Variants in ZBTB20 observed in about 807,000 individuals in gnomAD.
ZBTB20 encodes zinc finger and BTB domain-containing protein 20.
ZBTB20 carries 9 observed loss-of-function variants against 56.9 expected under a neutral mutation model. That is an observed-to-expected ratio of 0.16 (90% CI 0.10 to 0.28). The LOEUF is 0.28. Among genes scored for constraint, ZBTB20 ranks in the 10% least tolerant of loss-of-function variants. The pLI is 1.00. For synonymous variants in ZBTB20, 417 were observed against 420.7 expected (o/e 0.99, Z 0.11); for missense variants, 655 against 1,003.0 (o/e 0.65, Z 4.69).
At chr3:114,521,090 C>T (rs1321724327) in intron 6 of ZBTB20, among the ~76,000 whole-genome samples, 2 of 152,142 alleles carry the variant, frequency 1.3e-5, no homozygotes, top group Admixed American at 6.6e-5. Flanking sequence ...GTTTTCTTTA[C>T]ACCTTTACCT....
chr3:114,695,624 T>C (rs182482800), intron 5 of ZBTB20, among the ~76,000 whole-genome samples: 1,547 of 152,178 alleles, frequency 0.01, 19 homozygotes, highest in South Asian at 0.025. Context: ...AAGTTTTTTT[T>C]TTTTAAATTT....
chr3:115,075,614 T>C (rs2082566893), intron 1 of ZBTB20, among the ~76,000 whole-genome samples: 1 of 152,162 alleles, frequency 6.6e-6, no homozygotes, highest in Non-Finnish European at 1.5e-5. Context: ...AACAACAAAG[T>C]ACCAACAGAA....
intron 6 of ZBTB20, among the ~76,000 whole-genome samples, chr3:114,650,166 CT>C (rs2060054264): frequency 1.3e-5 from 2 of 151,826 alleles, no homozygotes; most frequent in African/African-American, 4.8e-5. Flanking sequence ...AGAAAAAACA[CT>C]GTAAAAATTC....
chr3:114,391,464 A>G (rs985477658), intron 7 of ZBTB20, among the ~76,000 whole-genome samples: 3 of 152,194 alleles, frequency 2.0e-5, no homozygotes, highest in Non-Finnish European at 4.4e-5. Context: ...TCATTTATGA[A>G]GCATTTCACA....
intron 4 of ZBTB20, among the ~76,000 whole-genome samples, chr3:114,862,343 T>C (rs1490069491): frequency 2.0e-5 from 3 of 152,108 alleles, no homozygotes; most frequent in Non-Finnish European, 4.4e-5. Flanking sequence ...GCCTCTGTTT[T>C]GAAAGTGGAT....
At position 114,350,647 on chromosome 3, in the gene ZBTB20, T is replaced by C; in HGVS notation, c.1431A>G (p.Leu477=). The C allele has an allele frequency of 6.2e-7, 1 of 1,614,212 alleles. No individual in the cohort carries two copies. Among genetic ancestry groups the C allele is most frequent in the Non-Finnish European group, 8.5e-7 (1 of 1,180,040 alleles). Residue 477 remains leucine, a synonymous_variant, in exon 11 of 12, where the codon TTA becomes TTG. Transcript: ENST00000675478. ...GQPLPSTQLY[L]RQTETLTSNL... ...TGCTGGTGAGGGTTTCTGTCTGGCG[T>C]AAGTAGAGCTGGGTACTTGGCAATG...
chr3:114,683,149 C>A (rs975041216), intron 6 of ZBTB20, among the ~76,000 whole-genome samples: 3 of 152,084 alleles, frequency 2.0e-5, no homozygotes, highest in Non-Finnish European at 4.4e-5. Context: ...TGGACTATTC[C>A]TCATCCTTTA....
At chr3:114,746,909 C>T (rs553534045) in intron 5 of ZBTB20, among the ~76,000 whole-genome samples, 4 of 152,194 alleles carry the variant, frequency 2.6e-5, no homozygotes, top group East Asian at 1.9e-4. Context: ...CTCATGCAAA[C>T]GTTAAAATTC....
intron 6 of ZBTB20, chr3:114,519,159 GCCTTTTGT>G (rs2046362734): frequency 6.6e-6 from 1 of 152,142 alleles, no homozygotes; most frequent in South Asian, 2.1e-4. Context: ...AGCCAATTTT[GCCTTTTGT>G]CCTCCCTGGG....
intron 7 of ZBTB20, among the ~76,000 whole-genome samples, chr3:114,398,337 A>G (rs1281763703): frequency 6.6e-6 from 1 of 152,150 alleles, no homozygotes; most frequent in Non-Finnish European, 1.5e-5. Context: ...TGTTATAACC[A>G]TGTCATCGGT....
chr3:114,621,264 A>G (rs2058300414), intron 6 of ZBTB20, among the ~76,000 whole-genome samples: 1 of 152,176 alleles, frequency 6.6e-6, no homozygotes, highest in South Asian at 2.1e-4. Context: ...ACTGTTCATA[A>G]ATATTTGTGT....
rs1244654885 is a variant in ZBTB20 at position 114,331,915 on chromosome 3, T to C, written c.*7090A>G. On this transcript the variant is annotated 3_prime_UTR_variant, in exon 12 of 12. Coordinates refer to ENST00000675478, the MANE Select transcript of ZBTB20 (RefSeq NM_001348800.3). ...GTGCACATGTATAAATAATGTATACTCATTTATAGACATTTTGGACAGCAG... is the reference window on the plus strand; with the variant it reads ...GTGCACATGTATAAATAATGTATACCCATTTATAGACATTTTGGACAGCAG... 6.6e-6 allele frequency: 1 copy of C among 152,036 alleles called. No homozygotes were observed. The highest frequency in any genetic ancestry group is 1.5e-5 in the Non-Finnish European group (1 of 67,890). The allele number at this position is 152,036 out of a possible 1,614,324, so 9.4% of individuals were successfully genotyped here. A position where few individuals can be genotyped will look rare whatever the true frequency, so the allele number is the denominator to read the frequency against.
At chr3:115,098,391 A>G (rs61536764) in intron 1 of ZBTB20, among the ~76,000 whole-genome samples, 5,284 of 152,246 alleles carry the variant, frequency 0.035, 197 homozygotes, top group Admixed American at 0.12. Context: ...TCAGTTTTGA[A>G]ACAAATTTTT....
At chr3:114,898,255 G>A (rs1303304910) in intron 4 of ZBTB20, among the ~76,000 whole-genome samples, 4 of 152,042 alleles carry the variant, frequency 2.6e-5, no homozygotes, top group Non-Finnish European at 5.9e-5. Context: ...TTTATTTATG[G>A]GCTGCAAAGT....
At chr3:114,493,398 A>T (rs372363529) in intron 7 of ZBTB20, among the ~76,000 whole-genome samples, 3 of 152,194 alleles carry the variant, frequency 2.0e-5, no homozygotes, top group Non-Finnish European at 4.4e-5. Flanking sequence ...TAAATGCCCC[A>T]AAGTTTACCC....
intron 6 of ZBTB20, among the ~76,000 whole-genome samples, chr3:114,664,040 A>C (rs1376332708): frequency 6.6e-6 from 1 of 152,054 alleles, no homozygotes; most frequent in Non-Finnish European, 1.5e-5. Context: ...CAAGTGGTTT[A>C]CCCTGACATT....
At chr3:114,475,421 A>T (rs2040633832) in intron 7 of ZBTB20, among the ~76,000 whole-genome samples, 1 of 152,182 alleles carries the variant, frequency 6.6e-6, no homozygotes, top group Non-Finnish European at 1.5e-5. Context: ...CTAGGGCAAG[A>T]CATGTCTTAT....
chr3:114,729,372 G>A (rs116477320), intron 5 of ZBTB20, among the ~76,000 whole-genome samples: 221 of 152,276 alleles, frequency 1.5e-3, no homozygotes, highest in African/African-American at 4.8e-3. Context: ...AAAAAGTCTC[G>A]AAGCTATAGA....
At chr3:114,786,046 T>A (rs2070463770) in intron 5 of ZBTB20, among the ~76,000 whole-genome samples, 1 of 152,130 alleles carries the variant, frequency 6.6e-6, no homozygotes, top group Non-Finnish European at 1.5e-5. Context: ...GACGTGCAGG[T>A]TTGTTACATA....
Sources: allele counts gnomAD v4.1 joint callset (sites outside exome capture counted in the v4.1 genomes callset), GRCh38; gene constraint gnomAD v4.1.1; transcripts MANE v1.5; gene names NCBI Gene and HGNC (gene_info 2026-07-23, HGNC 2026-07-21).